Variants in KCNG2 observed in about 807,000 individuals in gnomAD.
KCNG2 encodes the protein potassium voltage-gated channel modifier subfamily G member 2.
KCNG2 carries 7 observed loss-of-function variants against 12.3 expected under a neutral mutation model. The ratio of observed to expected loss-of-function variants is 0.57; its 90% CI spans 0.32 to 1.07. The LOEUF is 1.07. Among genes scored for constraint, KCNG2 ranks in the 50% least tolerant of loss-of-function variants. The pLI, the probability that KCNG2 is intolerant of heterozygous loss-of-function variation, is 0.04. For synonymous variants in KCNG2, 414 were observed against 351.4 expected (o/e 1.18, Z -1.99); for missense variants, 703 against 726.0 (o/e 0.97, Z 0.36).
At chr18:79,850,546 G>A (rs1166318835) in intron 1 of KCNG2, among the ~76,000 whole-genome samples, 1 of 152,100 alleles carries the variant, frequency 6.6e-6, no homozygotes, top group Non-Finnish European at 1.5e-5. Flanking sequence ...TTCTCATGAC[G>A]TTCTCTTCTC....
At chr18:79,872,021 G>A (rs1369634745) in intron 3 of KCNG2, among the ~76,000 whole-genome samples, 4 of 152,102 alleles carry the variant, frequency 2.6e-5, no homozygotes, top group East Asian at 1.9e-4. Flanking sequence ...CTGCACGTGC[G>A]GCCGGCCGCA....
At chr18:79,846,374 C>CAAAAAA (rs11421957) in intron 1 of KCNG2, among the ~76,000 whole-genome samples, 1 of 61,556 alleles carries the variant, frequency 1.6e-5, no homozygotes, top group Admixed American at 2.1e-4. Flanking sequence ...GACTCCGTCT[C>CAAAAAA]AAAAAAAAAA....
chr18:79,867,158 G>A (rs567917996), intron 3 of KCNG2, among the ~76,000 whole-genome samples: 8 of 123,858 alleles, frequency 6.5e-5, no homozygotes, highest in South Asian at 6.1e-4. Context: ...TCTGGGTACC[G>A]AGGTCTGGGT....
chr18:79,842,878 A>G (rs1978505255), intron 1 of KCNG2, among the ~76,000 whole-genome samples: 1 of 152,202 alleles, frequency 6.6e-6, no homozygotes, highest in Non-Finnish European at 1.5e-5. Flanking sequence ...GCAAATCAAT[A>G]TATGCATTAT....
rs1978321369 is a variant in KCNG2, at chr18:79,835,895, CAA to C, written c.-114-20483_-114-20482del. ...ATACCTAGAACAGATACAAAAAACA[CAA>C]GAGATAAATCAAAATAGAATTGTCA... is the stretch of plus-strand genomic sequence containing the variant. On this transcript the variant is annotated intron_variant, in intron 1 of 3. Transcript: ENST00000316249. 2.0e-5 allele frequency among the ~76,000 whole-genome samples: 3 copies of C among 152,142 alleles called. No individual in the cohort carries two copies. In the South Asian group the frequency reaches 6.2e-4, roughly 32 times the overall value.
At chr18:79,870,582 G>A (rs1979791149) in intron 3 of KCNG2, among the ~76,000 whole-genome samples, 1 of 152,236 alleles carries the variant, frequency 6.6e-6, no homozygotes, top group South Asian at 2.1e-4. Flanking sequence ...TCTGCTCACT[G>A]GAGACCTGCC....
At chr18:79,830,735 TCG>T (rs1356608925) in intron 1 of KCNG2, among the ~76,000 whole-genome samples, 33 of 144,106 alleles carry the variant, frequency 2.3e-4, no homozygotes, top group African/African-American at 3.6e-4. Flanking sequence ...GACAGAGCCT[TCG>T]TCAGGAGGGT....
chr18:79,872,410 C>T (rs553032177), intron 3 of KCNG2, among the ~76,000 whole-genome samples: 231 of 150,822 alleles, frequency 1.5e-3, no homozygotes, highest in African/African-American at 3.9e-3. Context: ...CTCAGCCTCC[C>T]GAGTAGCTGG....
At chr18:79,849,976 TAGG>T (rs1978762120) in intron 1 of KCNG2, among the ~76,000 whole-genome samples, 1 of 152,020 alleles carries the variant, frequency 6.6e-6, no homozygotes, top group African/African-American at 2.4e-5. Context: ...CACCTGGCCG[TAGG>T]AGGAGTGTCC....
At chr18:79,878,746 G>T (rs980963052) in intron 3 of KCNG2, among the ~76,000 whole-genome samples, 2 of 152,242 alleles carry the variant, frequency 1.3e-5, no homozygotes, top group African/African-American at 4.8e-5. Context: ...TGATCGTAAA[G>T]GGAGAAAAGA....
At chr18:79,851,720 C>CATGTGTGTGAATGTGTCA (rs1978827120) in intron 1 of KCNG2, among the ~76,000 whole-genome samples, 1 of 150,350 alleles carries the variant, frequency 6.7e-6, no homozygotes, top group South Asian at 2.1e-4. Flanking sequence ...TGTGAACGTG[C>CATGTGTGTGAATGTGTCA]ATGTGTGTGA....
chr18:79,833,373 T>A (rs769586618), intron 1 of KCNG2, among the ~76,000 whole-genome samples: 2 of 152,206 alleles, frequency 1.3e-5, no homozygotes, highest in Non-Finnish European at 2.9e-5. Flanking sequence ...ACTCCTGGGC[T>A]CAAGTGATAT....
chr18:79,875,269 G>A (rs1980021519), intron 3 of KCNG2, among the ~76,000 whole-genome samples: 1 of 152,134 alleles, frequency 6.6e-6, no homozygotes, highest in Non-Finnish European at 1.5e-5. Flanking sequence ...GGAAGAAAGA[G>A]CACTGCCCAG....
chr18:79,844,546 G>A (rs767166235), intron 1 of KCNG2, among the ~76,000 whole-genome samples: 15 of 152,192 alleles, frequency 9.9e-5, no homozygotes, highest in Non-Finnish European at 2.1e-4. Flanking sequence ...GATCTTAAAT[G>A]TTCTCACCAC....
chr18:79,836,578 A>G (rs563831528), intron 1 of KCNG2, among the ~76,000 whole-genome samples: 10 of 152,318 alleles, frequency 6.6e-5, no homozygotes, highest in African/African-American at 2.4e-4. Context: ...AGACTGGGTA[A>G]TTTATGAAGA....
chr18:79,888,220 C>T (rs934280943), intron 3 of KCNG2, among the ~76,000 whole-genome samples: 6 of 152,170 alleles, frequency 3.9e-5, no homozygotes, highest in Admixed American at 2.6e-4. Context: ...CCCGTCCACG[C>T]GGTGGGGACC....
At chr18:79,817,488 TCA>T (rs1266513621) in intron 1 of KCNG2, among the ~76,000 whole-genome samples, 5 of 148,304 alleles carry the variant, frequency 3.4e-5, no homozygotes, top group South Asian at 2.1e-4. Flanking sequence ...CACACACGTG[TCA>T]CACACAGTTC....
chr18:79,813,055 T>G (rs1599366132), intron 1 of KCNG2, among the ~76,000 whole-genome samples: 1 of 152,088 alleles, frequency 6.6e-6, no homozygotes. Context: ...CTCACAAGGC[T>G]GAGGCAGGAG....
At chr18:79,888,186 GCA>G in intron 3 of KCNG2, among the ~76,000 whole-genome samples, 1 of 152,204 alleles carries the variant, frequency 6.6e-6, no homozygotes. Flanking sequence ...GCCATGGGGA[GCA>G]CCCGCCAGGC....
Sources: allele counts gnomAD v4.1 joint callset (sites outside exome capture counted in the v4.1 genomes callset), GRCh38; gene constraint gnomAD v4.1.1; transcripts MANE v1.5; gene names NCBI Gene and HGNC (gene_info 2026-07-23, HGNC 2026-07-21).